Variants in BACH2 observed in about 807,000 individuals in gnomAD.
The protein encoded by BACH2 is transcription regulator protein BACH2.
Under a neutral mutation model 61.8 loss-of-function variants are expected in BACH2, and 5 were observed. The observed-to-expected ratio is 0.08, with a 90% CI of 0.04 to 0.17. The LOEUF (loss-of-function observed/expected upper bound fraction) is 0.17. BACH2 is among the 10% of genes least tolerant of loss of function. BACH2 has a pLI of 1.00. For synonymous variants in BACH2, 446 were observed against 440.1 expected (o/e 1.01, Z -0.17); for missense variants, 824 against 1,091.1 (o/e 0.76, Z 3.45).
At chr6:90,265,214 C>T (rs1279745071) in intron 2 of BACH2, among the ~76,000 whole-genome samples, 1 of 152,186 alleles carries the variant, frequency 6.6e-6, no homozygotes, top group East Asian at 1.9e-4. Context: ...AGGCTTGTTA[C>T]ACAGCTGAGA....
chr6:90,132,172 A>G (rs1370325228), intron 4 of BACH2, among the ~76,000 whole-genome samples: 1 of 152,202 alleles, frequency 6.6e-6, no homozygotes, highest in Non-Finnish European at 1.5e-5. Context: ...TCATCCAAAG[A>G]GTGTAAACCA....
At chr6:90,216,698 ACGTAAAG>A (rs1769549483) in intron 3 of BACH2, among the ~76,000 whole-genome samples, 1 of 152,236 alleles carries the variant, frequency 6.6e-6, no homozygotes, top group Non-Finnish European at 1.5e-5. Context: ...CCAGCTCATG[ACGTAAAG>A]CGTGAGCTTC....
At chr6:90,280,648 G>A (rs1454679223) in intron 1 of BACH2, among the ~76,000 whole-genome samples, 4 of 152,186 alleles carry the variant, frequency 2.6e-5, no homozygotes, top group Non-Finnish European at 4.4e-5. Flanking sequence ...TGCAGATTCA[G>A]ACTCAGTAGG....
intron 5 of BACH2, among the ~76,000 whole-genome samples, chr6:90,054,194 G>A (rs1028752362): frequency 1.3e-5 from 2 of 152,208 alleles, no homozygotes; most frequent in African/African-American, 4.8e-5. Context: ...AAGTGCAAGG[G>A]GTCAGGGAAT....
intron 4 of BACH2, among the ~76,000 whole-genome samples, chr6:90,165,759 C>G (rs764888012): frequency 2.6e-5 from 4 of 152,136 alleles, no homozygotes; most frequent in African/African-American, 4.8e-5. Flanking sequence ...TGCCGCGTAT[C>G]TACAACCATC....
At chr6:90,284,817 T>C (rs1325668022) in intron 1 of BACH2, among the ~76,000 whole-genome samples, 1 of 152,226 alleles carries the variant, frequency 6.6e-6, no homozygotes, top group Admixed American at 6.5e-5. Flanking sequence ...GGTCTTGCAC[T>C]GTGTTATTAT....
At chr6:90,039,111 C>T (rs933252157) in intron 5 of BACH2, among the ~76,000 whole-genome samples, 6 of 151,560 alleles carry the variant, frequency 4.0e-5, no homozygotes, top group African/African-American at 1.5e-4. Context: ...AATATAGTTT[C>T]TTCATTCTTG....
At chr6:90,171,419 G>T (rs1447602822) in intron 4 of BACH2, among the ~76,000 whole-genome samples, 1 of 131,812 alleles carries the variant, frequency 7.6e-6, no homozygotes, top group Non-Finnish European at 1.7e-5. Flanking sequence ...GTCTCAAGAA[G>T]AAAAAAAAAA....
chr6:89,961,264 A>G (rs1055725204), intron 6 of BACH2, among the ~76,000 whole-genome samples: 2 of 152,218 alleles, frequency 1.3e-5, no homozygotes, highest in African/African-American at 4.8e-5. Flanking sequence ...CAATTTCAAT[A>G]TAAGTGTAGG....
At chr6:90,241,919 A>C (rs1386205897) in intron 3 of BACH2, among the ~76,000 whole-genome samples, 1 of 150,942 alleles carries the variant, frequency 6.6e-6, no homozygotes, top group African/African-American at 2.4e-5. Context: ...TCTAAGCTAC[A>C]ATCTATCCTG....
At chr6:90,229,401 G>A (rs559095639) in intron 3 of BACH2, among the ~76,000 whole-genome samples, 1 of 151,914 alleles carries the variant, frequency 6.6e-6, no homozygotes, top group African/African-American at 2.4e-5. Context: ...CGGAGGTTGC[G>A]GCGAGCAGAG....
At chr6:90,077,739 G>A (rs1247060264) in intron 5 of BACH2, among the ~76,000 whole-genome samples, 1 of 152,114 alleles carries the variant, frequency 6.6e-6, no homozygotes, top group African/African-American at 2.4e-5. Context: ...TAGCTTATAG[G>A]TTTAATTCAT....
At chr6:90,244,186 T>C (rs1452201833) in intron 3 of BACH2, among the ~76,000 whole-genome samples, 3 of 152,140 alleles carry the variant, frequency 2.0e-5, no homozygotes, top group African/African-American at 7.2e-5. Flanking sequence ...CCTCCCAAAG[T>C]GCTGGGATTA....
chr6:90,029,712 C>T (rs1297798084), intron 5 of BACH2, among the ~76,000 whole-genome samples: 1 of 152,144 alleles, frequency 6.6e-6, no homozygotes, highest in Non-Finnish European at 1.5e-5. Context: ...GTCCATATGT[C>T]ACTTCTGTTT....
At chr6:90,258,976 T>C (rs1312550699) in intron 2 of BACH2, among the ~76,000 whole-genome samples, 1 of 152,150 alleles carries the variant, frequency 6.6e-6, no homozygotes, top group African/African-American at 2.4e-5. Flanking sequence ...TGCAGGGGCT[T>C]TTTTCCCCCC....
At chr6:90,011,960 G>GTC (rs1338704490) in intron 5 of BACH2, among the ~76,000 whole-genome samples, 45 of 150,186 alleles carry the variant, frequency 3.0e-4, no homozygotes, top group Admixed American at 5.3e-4. Context: ...GTGTGTGTGT[G>GTC]TGTGTGTGTG....
intron 5 of BACH2, among the ~76,000 whole-genome samples, chr6:90,046,298 T>C (rs562966754): frequency 6.6e-6 from 1 of 152,334 alleles, no homozygotes; most frequent in East Asian, 1.9e-4. Flanking sequence ...CCAGCCACTT[T>C]GCTAAGTGCT....
At chr6:90,087,349 G>A (rs1381682663) in intron 5 of BACH2, among the ~76,000 whole-genome samples, 2 of 152,132 alleles carry the variant, frequency 1.3e-5, no homozygotes, top group South Asian at 2.1e-4. Context: ...AATGTTTCCT[G>A]GACAGTATCA....
chr6:90,245,533 C>T (rs186834312), intron 3 of BACH2, among the ~76,000 whole-genome samples: 9 of 152,266 alleles, frequency 5.9e-5, no homozygotes, highest in Non-Finnish European at 8.8e-5. Context: ...CACTGCACTC[C>T]GGCCTGGTTG....
Sources: allele counts gnomAD v4.1 joint callset (sites outside exome capture counted in the v4.1 genomes callset), GRCh38; gene constraint gnomAD v4.1.1; transcripts MANE v1.5; gene names NCBI Gene and HGNC (gene_info 2026-07-23, HGNC 2026-07-21).